Variants in LRMDA observed in about 807,000 individuals in gnomAD.
The protein encoded by LRMDA is leucine rich melanocyte differentiation associated, also known as leucine-rich melanocyte differentiation-associated protein.
LRMDA carries 18 observed loss-of-function variants against 29.8 expected under a neutral mutation model. That is an observed-to-expected ratio of 0.60 (90% CI 0.42 to 0.90). The LOEUF (loss-of-function observed/expected upper bound fraction) is 0.90, where lower values mean the gene tolerates loss of function less well. Ranked by LOEUF, LRMDA falls within the 40% of genes least tolerant of loss-of-function variation. LRMDA has a pLI of 0.00. For missense variants in LRMDA, 273 were observed against 273.9 expected (o/e 1.00, Z 0.02); for synonymous variants, 125 against 109.4 (o/e 1.14, Z -0.89).
intron 2 of LRMDA, among the ~76,000 whole-genome samples, chr10:75,873,399 T>A (rs1845144979): frequency 6.6e-6 from 1 of 152,366 alleles, no homozygotes; most frequent in Admixed American, 6.5e-5. Flanking sequence ...GAATCATTCC[T>A]TTTAGTGATT....
intron 2 of LRMDA, among the ~76,000 whole-genome samples, chr10:75,604,424 G>T (rs186080340): frequency 6.6e-6 from 1 of 152,108 alleles, no homozygotes; most frequent in Non-Finnish European, 1.5e-5. Flanking sequence ...CATTGCTCAT[G>T]TTTATCATTA....
chr10:76,358,001 T>G (rs1841263521), intron 6 of LRMDA, among the ~76,000 whole-genome samples: 1 of 152,116 alleles, frequency 6.6e-6, no homozygotes, highest in East Asian at 1.9e-4. Context: ...AAAGCCTGTT[T>G]GACAACAAAG....
chr10:75,508,079 T>C (rs1201323385), intron 2 of LRMDA, among the ~76,000 whole-genome samples: 4 of 152,248 alleles, frequency 2.6e-5, no homozygotes, highest in African/African-American at 9.6e-5. Context: ...TGAATGTCTC[T>C]TCTGCTGCCT....
intron 4 of LRMDA, among the ~76,000 whole-genome samples, chr10:76,057,831 C>T (rs572278063): frequency 3.3e-5 from 5 of 152,284 alleles, no homozygotes; most frequent in South Asian, 2.1e-4. Flanking sequence ...TTGTCCCTGA[C>T]GAGGGAGAAG....
At chr10:75,912,739 A>C (rs1845862638) in intron 2 of LRMDA, among the ~76,000 whole-genome samples, 1 of 152,172 alleles carries the variant, frequency 6.6e-6, no homozygotes, top group Admixed American at 6.5e-5. Flanking sequence ...GTGGGCTCTC[A>C]AGGTATCTTA....
intron 5 of LRMDA, among the ~76,000 whole-genome samples, chr10:76,292,903 T>C (rs1468718137): frequency 2.6e-5 from 4 of 152,146 alleles, no homozygotes; most frequent in African/African-American, 9.7e-5. Flanking sequence ...CTCTGAAATG[T>C]CAGAAACCAA....
chr10:76,456,773 G>T (rs774675160), intron 6 of LRMDA, among the ~76,000 whole-genome samples: 5 of 151,908 alleles, frequency 3.3e-5, no homozygotes, highest in Non-Finnish European at 7.4e-5. Context: ...CTACCTTCCC[G>T]TTGTTAAGAG....
At chr10:75,726,898 T>A (rs1231361208) in intron 2 of LRMDA, among the ~76,000 whole-genome samples, 2 of 152,200 alleles carry the variant, frequency 1.3e-5, no homozygotes, top group African/African-American at 4.8e-5. Flanking sequence ...AGAGCTTGAG[T>A]TACTTTCAGA....
rs555239325 is a variant in LRMDA, at chr10:75,556,401, C to G, written c.131+117907C>G. On this transcript the variant is annotated intron_variant, in intron 2 of 6. Transcript: ENST00000611255. The stretch of plus-strand genomic sequence containing the variant: ...GAAAACTCTGTGAATCTAGAATTCT[C>G]TATCCAGAAGTATCCTTCAAGCATA... Among the ~76,000 whole-genome samples the G allele has an allele frequency of 2.0e-5, 3 of 152,266 alleles. No homozygotes were observed. In the South Asian group the frequency reaches 6.2e-4, roughly 32 times the overall value.
intron 2 of LRMDA, among the ~76,000 whole-genome samples, chr10:75,836,595 A>C (rs1010887836): frequency 6.6e-6 from 1 of 152,126 alleles, no homozygotes; most frequent in African/African-American, 2.4e-5. Flanking sequence ...TGTTTTTTTA[A>C]AAGAGGAATC....
At chr10:76,388,599 AAAGCAG>A (rs1217755684) in intron 6 of LRMDA, among the ~76,000 whole-genome samples, 20 of 152,346 alleles carry the variant, frequency 1.3e-4, no homozygotes, top group African/African-American at 4.3e-4. Flanking sequence ...TCTAGTCAGC[AAAGCAG>A]AAGCTGCATC....
chr10:75,653,397 C>T (rs1335042770), intron 2 of LRMDA, among the ~76,000 whole-genome samples: 6 of 152,184 alleles, frequency 3.9e-5, no homozygotes, highest in Non-Finnish European at 8.8e-5. Context: ...TCAAAATTTT[C>T]AGTTCCTGTC....
At chr10:76,493,594 C>T (rs1390967768) in intron 6 of LRMDA, among the ~76,000 whole-genome samples, 1 of 152,064 alleles carries the variant, frequency 6.6e-6, no homozygotes, top group Admixed American at 6.6e-5. Context: ...TTTCATTAAC[C>T]TATATTTCTA....
chr10:75,912,590 C>T (rs1172218380), intron 2 of LRMDA, among the ~76,000 whole-genome samples: 1 of 151,976 alleles, frequency 6.6e-6, no homozygotes, highest in Non-Finnish European at 1.5e-5. Context: ...GTCTGTAGTT[C>T]AGGGTACATT....
chr10:75,846,209 G>GTGTGTA (rs1313081190), intron 2 of LRMDA, among the ~76,000 whole-genome samples: 2 of 150,312 alleles, frequency 1.3e-5, no homozygotes, highest in Non-Finnish European at 3.0e-5. Flanking sequence ...GTGTGTGTGT[G>GTGTGTA]TGTGTGTATG....
intron 5 of LRMDA, among the ~76,000 whole-genome samples, chr10:76,290,766 AG>A (rs896493448): frequency 7.2e-5 from 11 of 152,160 alleles, no homozygotes; most frequent in African/African-American, 2.2e-4. Flanking sequence ...ACATTTCTAG[AG>A]AAACCTGTCT....
intron 2 of LRMDA, among the ~76,000 whole-genome samples, chr10:75,709,625 G>A (rs1433687479): frequency 6.6e-6 from 1 of 152,192 alleles, no homozygotes; most frequent in East Asian, 1.9e-4. Context: ...GGGAAGCCAA[G>A]GTCCTTCTCA....
At chr10:75,561,358 T>C (rs1840292291) in intron 2 of LRMDA, among the ~76,000 whole-genome samples, 1 of 148,596 alleles carries the variant, frequency 6.7e-6, no homozygotes, top group African/African-American at 2.4e-5. Context: ...GTAGTTTGTA[T>C]TTCTGTGGGA....
At chr10:76,327,728 A>T (rs1026025679) in intron 6 of LRMDA, among the ~76,000 whole-genome samples, 1 of 152,166 alleles carries the variant, frequency 6.6e-6, no homozygotes, top group African/African-American at 2.4e-5. Flanking sequence ...GTGAGAAAGG[A>T]GACCCTGCTT....
Sources: gnomAD v4.1 joint callset for allele counts (sites outside exome capture counted in the v4.1 genomes callset) on GRCh38, gnomAD v4.1.1 for gene constraint, MANE v1.5 for transcripts, NCBI Gene and HGNC (gene_info 2026-07-23, HGNC 2026-07-21) for gene names.